The following P2RX7 variants were observed in gnomAD, a reference collection of about 807,000 sequenced individuals.
P2RX7 encodes the protein purinergic receptor P2X 7, also known as P2X purinoceptor 7.
Under a neutral mutation model 71.6 loss-of-function variants are expected in P2RX7, and 62 were observed. That is an observed-to-expected ratio of 0.87 (90% confidence interval 0.71 to 1.07). The LOEUF is 1.07. Ranked by LOEUF, P2RX7 falls within the 50% of genes least tolerant of loss-of-function variation. The pLI is 0.00. For synonymous variants in P2RX7, 299 were observed against 283.3 expected (o/e 1.06, Z -0.56); for missense variants, 686 against 748.5 (o/e 0.92, Z 0.97).
chr12:121,135,254 G>A (rs540383176), intron 1 of P2RX7, among the ~76,000 whole-genome samples: 20 of 152,082 alleles, frequency 1.3e-4, no homozygotes, highest in African/African-American at 1.9e-4. Flanking sequence ...CAGGAGAATC[G>A]CTTGAACCCG....
At chr12:121,157,123 A>G (rs1789385909) in intron 3 of P2RX7, among the ~76,000 whole-genome samples, 1 of 152,054 alleles carries the variant, frequency 6.6e-6, no homozygotes, top group African/African-American at 2.4e-5. Flanking sequence ...GTAACTCCCA[A>G]CCTCCCAGCC....
intron 3 of P2RX7, among the ~76,000 whole-genome samples, chr12:121,158,423 T>G (rs1241833474): frequency 6.6e-6 from 1 of 152,168 alleles, no homozygotes; most frequent in Non-Finnish European, 1.5e-5. Context: ...AGAGTTACCC[T>G]CTCTTCAAGG....
chr12:121,171,330 T>G, intron 8 of P2RX7, among the ~76,000 whole-genome samples: 1 of 150,596 alleles, frequency 6.6e-6, no homozygotes, highest in Non-Finnish European at 1.5e-5. Context: ...CACATGGCCT[T>G]CTCCACTGTG....
At position 121,136,023 on chromosome 12, in the gene P2RX7, A is replaced by AT. The variant is rs1281670064; in HGVS notation, c.125+2928_125+2929insT. Among the ~76,000 whole-genome samples the AT allele has an allele frequency of 7.2e-3, 109 of 15,232 alleles. 3 individuals carry two copies. Among genetic ancestry groups the AT allele is most frequent in the East Asian group, 0.016 (4 of 256 alleles). The allele number at this position is 15,232 out of a possible 152,430, so 10.0% of individuals were successfully genotyped here. On this transcript the variant is annotated intron_variant, in intron 1 of 12. Coordinates refer to ENST00000328963, the MANE Select transcript of P2RX7 (RefSeq NM_002562.6). ...TGTCTCAAAAAAAAAAAAAAAAAAAAATATATATATATATATATAGTATTT... is the reference window on the plus strand; with the variant it reads ...TGTCTCAAAAAAAAAAAAAAAAAAAATATATATATATATATATATAGTATTT...
chr12:121,177,476 G>A, intron 11 of P2RX7, 30 bp downstream of exon 11: 1 of 1,604,974 alleles, frequency 6.2e-7, no homozygotes, highest in Non-Finnish European at 8.5e-7. Context: ...AGGACACCAA[G>A]ACATGGAGAG....
chr12:121,175,592 G>A, intron 9 of P2RX7, 114 bp downstream of exon 9: 1 of 658,532 alleles, frequency 1.5e-6, no homozygotes, highest in Non-Finnish European at 2.9e-6. Flanking sequence ...CTAGCACTGG[G>A]CATTTCGCAC....
chr12:121,156,086 CTT>C lies in P2RX7; in HGVS notation c.304_305del (p.Phe102LeufsTer30), dbSNP rs1472834565. On this transcript the variant is annotated frameshift_variant, in exon 3 of 13. Transcript: ENST00000328963. LOFTEE classifies it high-confidence loss of function. The stretch of plus-strand genomic sequence containing the variant: ...GCCTCTCCTTCTCCACAGGGGAACT[CTT>C]TCTTCGTGATGACAAACTTTCTCAA... 1 of 1,613,946 alleles carries C rather than the reference CTT, an allele frequency of 6.2e-7. No homozygotes were observed. Among genetic ancestry groups the C allele is most frequent in the Non-Finnish European group, 8.5e-7 (1 of 1,179,916 alleles).
At position 121,177,399 on chromosome 12, in the gene P2RX7, G is replaced by A. The variant is rs780611575; in HGVS notation, c.1141G>A (p.Glu381Lys). 1.9e-6 allele frequency: 3 copies of A among 1,613,632 alleles called. No individual in the cohort carries two copies. The highest frequency in any genetic ancestry group is 1.7e-4 in the Middle Eastern group (1 of 5,856). The change falls in exon 11 of 13, where the codon GAA becomes AAA. Residue 381 changes from glutamate to lysine, a missense_variant. Transcript: ENST00000328963. ...CKCCQPCVVN[E>K]YYYRKKCESI... ...GTGCTGTCAGCCCTGTGTGGTCAAC[G>A]AATACTACTACAGGAAGAAGTGCGA... is the stretch of plus-strand genomic sequence containing the variant.
At position 121,184,499 on chromosome 12, in the gene P2RX7, G is replaced by A. The variant is rs61740987; in HGVS notation, c.1485G>A (p.Glu495=). The A allele has an allele frequency of 1.7e-4, 277 of 1,614,082 alleles. 1 individual carries two copies. Among genetic ancestry groups the A allele is most frequent in the South Asian group, 1.9e-4 (17 of 91,090 alleles). ...SQLPESHRCL[E]ELCCRKKPGA... is the part of the protein sequence containing the mutation. The stretch of plus-strand genomic sequence containing the variant: ...TCCCTGAGAGCCACAGGTGCCTGGA[G>A]GAGCTGTGCTGCCGGAAAAAGCCGG... The change falls in exon 13 of 13, where the codon GAG becomes GAA. Residue 495 remains glutamate, a synonymous_variant. Transcript: ENST00000328963.
chr12:121,138,751 G>A (rs1027878111), intron 1 of P2RX7, among the ~76,000 whole-genome samples: 1 of 152,222 alleles, frequency 6.6e-6, no homozygotes, highest in African/African-American at 2.4e-5. Flanking sequence ...GACTCCATCA[G>A]CAATTGCTGA....
rs1881347913 is a variant in P2RX7, at chr12:121,167,561, A to G, written c.818A>G (p.Tyr273Cys). 1 of 1,612,942 alleles carries G rather than the reference A, an allele frequency of 6.2e-7. No homozygotes were observed. The highest frequency in any genetic ancestry group is 1.7e-5 in the Admixed American group (1 of 59,848). ...DRWFHHCRPKYSFRRLDDKTT... is the reference protein window; with the variant it reads ...DRWFHHCRPKCSFRRLDDKTT... Reference sequence around the variant, plus strand: ...TGGTTCCATCACTGCCGTCCCAAATACAGTTTCCGTCGCCTTGACGACAAG... The same window carrying G: ...TGGTTCCATCACTGCCGTCCCAAATGCAGTTTCCGTCGCCTTGACGACAAG... Residue 273 changes from tyrosine to cysteine, a missense_variant, in exon 8 of 13, where the codon TAC becomes TGC. Physicochemically the swap from Tyr to Cys is radical, Grantham distance 194. Coordinates refer to ENST00000328963, the MANE Select transcript of P2RX7 (RefSeq NM_002562.6).
chr12:121,154,794 G>A lies in P2RX7; in HGVS notation c.135G>A (p.Leu45=). 2 of 1,611,238 alleles carry A rather than the reference G, an allele frequency of 1.2e-6. No homozygotes were observed. The highest frequency in any genetic ancestry group is 1.7e-6 in the Non-Finnish European group (2 of 1,177,364). Residue 45 remains leucine (L), a synonymous_variant, in exon 2 of 13, where the codon CTG becomes CTA. Coordinates refer to ENST00000328963, the MANE Select transcript of P2RX7 (RefSeq NM_002562.6). The surrounding 1 kb of genome is among the most constrained non-coding windows in gnomAD (Gnocchi z 4.2). ...CATGTCTGCCATTTAGCTTTGCTCT[G>A]GTGAGTGACAAGCTGTACCAGCGGA... is the stretch of plus-strand genomic sequence containing the variant. ...VIIFSYVCFA[L]VSDKLYQRKE... is the part of the protein sequence containing the mutation.
chr12:121,160,752 G>A, intron 3 of P2RX7, 150 bp from the exon 4 acceptor site: 6 of 715,416 alleles, frequency 8.4e-6, no homozygotes, highest in Middle Eastern at 2.5e-4. Context: ...ATCCGTCAGT[G>A]GCCACTTGCG....
intron 3 of P2RX7, among the ~76,000 whole-genome samples, chr12:121,157,702 C>T (rs1271963436): frequency 6.6e-6 from 1 of 152,236 alleles, no homozygotes; most frequent in Non-Finnish European, 1.5e-5. Flanking sequence ...AGAGCCTGGG[C>T]TCAGAAGCTA....
At position 121,183,293 on chromosome 12, in the gene P2RX7, G is replaced by A. The variant is rs528396200; in HGVS notation, c.1291-1012G>A. 4.0e-5 allele frequency among the ~76,000 whole-genome samples: 6 copies of A among 150,386 alleles called. No individual in the cohort carries two copies. In the Middle Eastern group the frequency reaches 0.014, roughly 346 times the overall value. ...TTTTGTTAAAAACTAAGTCATGGCC[G>A]GGTGCAGTGGCTCACGCTTGTAATC... On this transcript the variant is annotated intron_variant, in intron 12 of 12. Transcript: ENST00000328963.
In P2RX7 at chr12:121,183,494, C is replaced by A. The variant is rs187256502; in HGVS notation, c.1291-811C>A. Reference sequence around the variant, plus strand: ...GCTGAGGCAGAAGAATCGCTTGAACCCAGGAGGCGGAGGTTGCAGTAAGCC... The same window carrying A: ...GCTGAGGCAGAAGAATCGCTTGAACACAGGAGGCGGAGGTTGCAGTAAGCC... On this transcript the variant is annotated intron_variant, in intron 12 of 12. Transcript: ENST00000328963. 5.1e-3 allele frequency among the ~76,000 whole-genome samples: 763 copies of A among 151,032 alleles called. 10 individuals carry two copies. Among genetic ancestry groups the A allele is most frequent in the Admixed American group, 0.026 (396 of 15,090 alleles).
chr12:121,178,344 A>T (rs1033911700), intron 11 of P2RX7, among the ~76,000 whole-genome samples: 1 of 152,222 alleles, frequency 6.6e-6, no homozygotes, highest in Non-Finnish European at 1.5e-5. Context: ...GCACCAGCTT[A>T]AAAAAATGAG....
At chr12:121,142,739 G>A (rs920075201) in intron 1 of P2RX7, among the ~76,000 whole-genome samples, 1 of 152,122 alleles carries the variant, frequency 6.6e-6, no homozygotes, top group South Asian at 2.1e-4. Flanking sequence ...ATAAGGACGC[G>A]TGTAATAGCA....
intron 1 of P2RX7, among the ~76,000 whole-genome samples, chr12:121,137,761 A>G (rs1873997610): frequency 6.6e-6 from 1 of 152,222 alleles, no homozygotes; most frequent in African/African-American, 2.4e-5. Flanking sequence ...TTTTGCATCA[A>G]GTAGGACTGG....
Sources: allele counts gnomAD v4.1 joint callset (sites outside exome capture counted in the v4.1 genomes callset), GRCh38; gene constraint gnomAD v4.1.1; non-coding constraint Gnocchi (gnomAD v3.1); transcripts MANE v1.5; gene names NCBI Gene and HGNC (gene_info 2026-07-23, HGNC 2026-07-21).